Variants in AKR1B1 observed in about 807,000 individuals in gnomAD.
The protein encoded by AKR1B1 is aldo-keto reductase family 1 member B1.
Under a neutral mutation model 40.4 loss-of-function variants are expected in AKR1B1, and 22 were observed. That is an observed-to-expected ratio of 0.54 (90% CI 0.39 to 0.78). The LOEUF (loss-of-function observed/expected upper bound fraction) is 0.78, where lower values mean the gene tolerates loss of function less well. Among genes scored for constraint, AKR1B1 ranks in the 30% least tolerant of loss-of-function variants. The probability of loss-of-function intolerance (pLI) is 0.00; values close to 1 mark genes in which losing one functional copy is unlikely to be tolerated. For synonymous variants in AKR1B1, 157 were observed against 149.9 expected (o/e 1.05, Z -0.35); for missense variants, 357 against 396.7 (o/e 0.90, Z 0.85).
chr7:134,446,727 C>A (rs533018511), intron 8 of AKR1B1, among the ~76,000 whole-genome samples: 4 of 152,198 alleles, frequency 2.6e-5, no homozygotes, highest in African/African-American at 4.8e-5. Context: ...CCCATCATCA[C>A]ACGAACTCCT....
At chr7:134,445,396 G>GTC in intron 8 of AKR1B1, 76 bp from the exon 9 acceptor site, 1 of 1,219,784 alleles carries the variant, frequency 8.2e-7, no homozygotes, top group Non-Finnish European at 1.2e-6. Context: ...GGACCCAGAT[G>GTC]TCTTCCATGG....
intron 1 of AKR1B1, among the ~76,000 whole-genome samples, chr7:134,457,785 G>C (rs569223285): frequency 3.3e-5 from 5 of 152,264 alleles, no homozygotes; most frequent in Admixed American, 2.0e-4. Context: ...GGAGCGCTTT[G>C]AGCCCAGGAA....
rs1805967345 is a variant in AKR1B1, at chr7:134,442,510, A to G, written c.*218T>C. ...AGGGTATTCAGGTTGTACTTTCCCC[A>G]GCAGGGTAGAAAGAAGGGCAAAGCA... is the stretch of plus-strand genomic sequence containing the variant. On this transcript the variant is annotated 3_prime_UTR_variant, in exon 10 of 10. Coordinates refer to ENST00000285930, the MANE Select transcript of AKR1B1 (RefSeq NM_001628.4). The G allele has an allele frequency of 1.8e-6, 1 of 546,850 alleles. No homozygotes were observed. 33.9% of individuals were successfully genotyped at this position (546,850 alleles called of 1,614,324 possible).
rs1806172141 is a variant in AKR1B1 at position 134,448,399 on chromosome 7, G to A, written c.647C>T (p.Pro216Leu). The A allele has an allele frequency of 6.2e-7, 1 of 1,613,510 alleles. No individual in the cohort carries two copies. Among genetic ancestry groups the A allele is most frequent in the East Asian group, 2.2e-5 (1 of 44,882 alleles). ...VVTAYSPLGSPDRPWAKPEDP... is the reference protein window; with the variant it reads ...VVTAYSPLGSLDRPWAKPEDP... The stretch of plus-strand genomic sequence containing the variant: ...GTGGGAAGCTCACCAGGGCCTGTCA[G>A]GAGAGCCGAGGGGGCTGTAGGCGGT... The change falls in exon 6 of 10, where the codon CCT becomes CTT. Residue 216 changes from proline (P) to leucine (L), a missense_variant. Pro to Leu is a moderately conservative substitution (Grantham distance 98, BLOSUM62 -3). Coordinates refer to ENST00000285930, the MANE Select transcript of AKR1B1 (RefSeq NM_001628.4).
At chr7:134,454,225 G>C (rs186108336) in intron 1 of AKR1B1, among the ~76,000 whole-genome samples, 1 of 152,182 alleles carries the variant, frequency 6.6e-6, no homozygotes, top group Non-Finnish European at 1.5e-5. Flanking sequence ...CAGAACTTCT[G>C]GCTCTGCAAA....
At chr7:134,458,797 G>A (rs1038541449) in intron 1 of AKR1B1, among the ~76,000 whole-genome samples, 200 bp downstream of exon 1, 1 of 152,080 alleles carries the variant, frequency 6.6e-6, no homozygotes, top group Non-Finnish European at 1.5e-5. Context: ...GACGCCCAGG[G>A]CCAACCCGGG....
chr7:134,444,502 G>A (rs1356892279), intron 9 of AKR1B1, among the ~76,000 whole-genome samples: 4 of 152,258 alleles, frequency 2.6e-5, no homozygotes, highest in African/African-American at 9.6e-5. Flanking sequence ...CTTAGAAGAG[G>A]AAGTACTAAA....
At chr7:134,448,849 T>G (rs1806191147) in intron 5 of AKR1B1, 148 bp downstream of exon 5, 3 of 967,844 alleles carry the variant, frequency 3.1e-6, no homozygotes, top group Non-Finnish European at 4.9e-6. Flanking sequence ...AGATGTGCTG[T>G]GTCATGCTGA....
At chr7:134,457,988 C>T (rs924630878) in intron 1 of AKR1B1, among the ~76,000 whole-genome samples, 2 of 152,106 alleles carry the variant, frequency 1.3e-5, no homozygotes, top group African/African-American at 4.8e-5. Context: ...CAACGAGACC[C>T]TGTCACAAAC....
intron 1 of AKR1B1, among the ~76,000 whole-genome samples, chr7:134,457,684 G>A (rs1054696807): frequency 6.6e-6 from 1 of 151,934 alleles, no homozygotes; most frequent in Non-Finnish European, 1.5e-5. Context: ...AATATCCAAC[G>A]CCCAGGCCCA....
chr7:134,457,399 A>C (rs1229745757), intron 1 of AKR1B1, among the ~76,000 whole-genome samples: 1 of 152,242 alleles, frequency 6.6e-6, no homozygotes, highest in Non-Finnish European at 1.5e-5. Context: ...TTCCAAGAGC[A>C]TAACATGCAA....
intron 1 of AKR1B1, among the ~76,000 whole-genome samples, chr7:134,458,376 T>C (rs564069087): frequency 1.1e-4 from 16 of 152,276 alleles, no homozygotes; most frequent in Middle Eastern, 3.4e-3. Context: ...AGGCGGCGCC[T>C]GGCCGAGGAG....
In AKR1B1 at chr7:134,448,485, GCACT is replaced by G. The variant is rs1160948903; in HGVS notation, c.557_560del (p.Glu186AlafsTer10). ...ACTTCTCCTGAGTGAGATATGGGTG[GCACT>G]CAATCTGCAAATGCAAAAACAAGAG... On this transcript the variant is annotated frameshift_variant, in exon 6 of 10. Transcript: ENST00000285930. LOFTEE classifies it high-confidence loss of function. The G allele has an allele frequency of 6.2e-7, 1 of 1,613,342 alleles. No homozygotes were observed. Among genetic ancestry groups the G allele is most frequent in the Admixed American group, 1.7e-5 (1 of 59,996 alleles).
Position 134,451,634 on chromosome 7 carries a change from C to G in AKR1B1, c.186G>C (p.Lys62Asn). ...ENEVGVAIQE[K>N]LREQVVKREE... Reference sequence around the variant, plus strand: ...CACGCTTCACCACCTGCTCCCTGAGCTTCTCCTGAATGGCCACCCCCACCT... The same window carrying G: ...CACGCTTCACCACCTGCTCCCTGAGGTTCTCCTGAATGGCCACCCCCACCT... Residue 62 changes from lysine to asparagine, a missense_variant, in exon 2 of 10, where the codon AAG becomes AAC. Physicochemically the swap from Lys to Asn is moderately conservative, Grantham distance 94 (BLOSUM62 0). Transcript: ENST00000285930. 5 of 1,614,218 alleles carry G rather than the reference C, an allele frequency of 3.1e-6. No homozygotes were observed. Among genetic ancestry groups the G allele is most frequent in the Non-Finnish European group, 4.2e-6 (5 of 1,180,034 alleles).
chr7:134,442,698 T>A lies in AKR1B1; in HGVS notation c.*30A>T. 6.2e-7 allele frequency: 1 copy of A among 1,612,056 alleles called. No individual in the cohort carries two copies. Among genetic ancestry groups the A allele is most frequent in the South Asian group, 1.1e-5 (1 of 90,998 alleles). On this transcript the variant is annotated 3_prime_UTR_variant, in exon 10 of 10. Coordinates refer to ENST00000285930, the MANE Select transcript of AKR1B1 (RefSeq NM_001628.4). Reference sequence around the variant, plus strand: ...ATGAGGCAAGAAACACAGGTATAGGTCACTTGGGGACGAGCAGGCAACCAC... The same window carrying A: ...ATGAGGCAAGAAACACAGGTATAGGACACTTGGGGACGAGCAGGCAACCAC...
intron 5 of AKR1B1, 59 bp downstream of exon 5, chr7:134,448,938 C>T: frequency 1.2e-6 from 2 of 1,611,118 alleles, no homozygotes; most frequent in Non-Finnish European, 1.7e-6. Context: ...GAAATCCCTA[C>T]CAGCATCAGA....
At chr7:134,454,050 C>T (rs543452255) in intron 1 of AKR1B1, among the ~76,000 whole-genome samples, 1 of 152,156 alleles carries the variant, frequency 6.6e-6, no homozygotes, top group Non-Finnish European at 1.5e-5. Context: ...TGAAAACATG[C>T]TGGGTGGCAT....
chr7:134,445,228 G>GCTCA lies in AKR1B1; in HGVS notation c.908+6_908+9dup. The GCTCA allele has an allele frequency of 6.2e-7, 1 of 1,608,288 alleles. No homozygotes were observed. Among genetic ancestry groups the GCTCA allele is most frequent in the African/African-American group, 1.3e-5 (1 of 74,940 alleles). The stretch of plus-strand genomic sequence containing the variant: ...CCTGGGAACTGCTCCTCACACTGGG[G>GCTCA]CTCACTCACCTCAACAAGGCACAGA... On this transcript the variant is annotated intron_variant, in intron 9 of 9. Transcript: ENST00000285930.
At chr7:134,453,517 A>G (rs1004690882) in intron 1 of AKR1B1, among the ~76,000 whole-genome samples, 2 of 152,068 alleles carry the variant, frequency 1.3e-5, no homozygotes, top group Non-Finnish European at 2.9e-5. Context: ...AAGTCAATCA[A>G]TCCCCACCCC....
Sources: gnomAD v4.1 joint callset for allele counts (sites outside exome capture counted in the v4.1 genomes callset) on GRCh38, gnomAD v4.1.1 for gene constraint, MANE v1.5 for transcripts, NCBI Gene and HGNC (gene_info 2026-07-23, HGNC 2026-07-21) for gene names.